Variants in CDKAL1 observed in about 807,000 individuals in gnomAD.
The protein encoded by CDKAL1 is threonylcarbamoyladenosine tRNA methylthiotransferase.
Under a neutral mutation model 68.2 loss-of-function variants are expected in CDKAL1, and 32 were observed. The ratio of observed to expected loss-of-function variants is 0.47; its 90% CI spans 0.35 to 0.63. The LOEUF (loss-of-function observed/expected upper bound fraction) is 0.63, where lower values mean the gene tolerates loss of function less well. Among genes scored for constraint, CDKAL1 ranks in the 30% least tolerant of loss-of-function variants. The probability of loss-of-function intolerance (pLI) is 0.00; values close to 1 mark genes in which losing one functional copy is unlikely to be tolerated. For missense variants in CDKAL1, 606 were observed against 696.7 expected, an observed-to-expected ratio of 0.87 and a Z score of 1.47; for synonymous variants, 234 against 244.3, an observed-to-expected ratio of 0.96 and a Z score of 0.39.
intron 4 of CDKAL1, among the ~76,000 whole-genome samples, chr6:20,575,216 C>T (rs367776924): frequency 6.6e-6 from 1 of 151,834 alleles, no homozygotes; most frequent in Admixed American, 6.6e-5. Flanking sequence ...TTGGCCATAT[C>T]TATCTTATTT....
chr6:20,855,146 A>G (rs182797384), intron 9 of CDKAL1, among the ~76,000 whole-genome samples: 28 of 152,312 alleles, frequency 1.8e-4, no homozygotes, highest in African/African-American at 6.5e-4. Context: ...ATTTCTTGTT[A>G]GAACTTGCAG....
chr6:21,205,781 T>C (rs1178233983), intron 15 of CDKAL1, among the ~76,000 whole-genome samples: 6 of 150,294 alleles, frequency 4.0e-5, no homozygotes, highest in Admixed American at 2.0e-4. Context: ...TCTGCCCGCC[T>C]TGGCCTCCCA....
chr6:20,989,731 T>C (rs562873902), intron 10 of CDKAL1, among the ~76,000 whole-genome samples: 1 of 152,212 alleles, frequency 6.6e-6, no homozygotes, highest in Non-Finnish European at 1.5e-5. Flanking sequence ...GTTCATATAA[T>C]GTTTGTTTGA....
chr6:20,606,236 A>G (rs562923221), intron 4 of CDKAL1, among the ~76,000 whole-genome samples: 6 of 152,200 alleles, frequency 3.9e-5, no homozygotes, highest in Non-Finnish European at 8.8e-5. Context: ...ATTGAATTGG[A>G]TAAGATTAAA....
At chr6:20,781,980 G>C (rs557195969) in intron 8 of CDKAL1, among the ~76,000 whole-genome samples, 2 of 152,130 alleles carry the variant, frequency 1.3e-5, no homozygotes. Context: ...AAGCTGTTCT[G>C]CCCCTTTTAC....
At chr6:21,092,146 A>G (rs1448419923) in intron 12 of CDKAL1, among the ~76,000 whole-genome samples, 2 of 146,238 alleles carry the variant, frequency 1.4e-5, no homozygotes, top group South Asian at 4.5e-4. Context: ...TCGGCCTCCC[A>G]AAGTCCTGGG....
At chr6:20,781,933 A>G (rs1775449770) in intron 8 of CDKAL1, among the ~76,000 whole-genome samples, 1 of 152,194 alleles carries the variant, frequency 6.6e-6, no homozygotes, top group South Asian at 2.1e-4. Context: ...GGAGCACCTA[A>G]TTACCCGTAC....
intron 4 of CDKAL1, among the ~76,000 whole-genome samples, chr6:20,590,546 C>G (rs894888729): frequency 6.6e-5 from 10 of 151,988 alleles, no homozygotes; most frequent in Admixed American, 5.2e-4. Flanking sequence ...TGTGATGTTC[C>G]CCTCCCTGTG....
intron 8 of CDKAL1, among the ~76,000 whole-genome samples, chr6:20,794,664 A>T (rs1376417469): frequency 1.3e-5 from 2 of 152,148 alleles, no homozygotes; most frequent in African/African-American, 4.8e-5. Context: ...TTAGAGATTT[A>T]AAATCTTTTC....
intron 5 of CDKAL1, among the ~76,000 whole-genome samples, chr6:20,668,528 T>C (rs887194781): frequency 3.3e-5 from 5 of 152,222 alleles, no homozygotes; most frequent in Admixed American, 2.6e-4. Context: ...ACCTTAGTTG[T>C]TGACTATGTA....
intron 9 of CDKAL1, among the ~76,000 whole-genome samples, chr6:20,914,554 C>A (rs530934676): frequency 1.3e-5 from 2 of 152,144 alleles, no homozygotes; most frequent in South Asian, 2.1e-4. Flanking sequence ...ATTGCTATAA[C>A]CCCAGAGCCT....
At position 21,181,437 on chromosome 6, in the gene CDKAL1, C is replaced by T. The variant is rs558459927; in HGVS notation, c.1300-16584C>T. On this transcript the variant is annotated intron_variant, in intron 13 of 15. Coordinates refer to ENST00000274695, the MANE Select transcript of CDKAL1 (RefSeq NM_017774.3). ...TTCTTATAAAAAGACAAGTTCAACC[C>T]ACTCTTGCTGTCCTCCCTCTATTGC... Among the ~76,000 whole-genome samples, 4 of 152,302 alleles carry T rather than the reference C, an allele frequency of 2.6e-5. No individual in the cohort carries two copies. The South Asian group carries it at 8.3e-4, about 32-fold the overall frequency.
chr6:20,916,588 G>A (rs1428204021), intron 9 of CDKAL1, among the ~76,000 whole-genome samples: 2 of 152,134 alleles, frequency 1.3e-5, no homozygotes, highest in East Asian at 1.9e-4. Context: ...TGGATGCAGA[G>A]GATAGTGCCC....
chr6:20,960,389 C>T (rs1053909211), intron 10 of CDKAL1, among the ~76,000 whole-genome samples: 5 of 152,208 alleles, frequency 3.3e-5, no homozygotes, highest in Non-Finnish European at 4.4e-5. Context: ...TATTCTAATT[C>T]GCAAATGCTT....
At chr6:20,892,678 C>CA (rs1199182358) in intron 9 of CDKAL1, among the ~76,000 whole-genome samples, 1 of 152,136 alleles carries the variant, frequency 6.6e-6, no homozygotes, top group Non-Finnish European at 1.5e-5. Flanking sequence ...CCAGATTTAA[C>CA]AAAGCAGTTC....
rs375686370 is a variant in CDKAL1, at chr6:20,860,963, G to T, written c.742+14785G>T. 1.1e-3 allele frequency among the ~76,000 whole-genome samples: 147 copies of T among 138,776 alleles called. 1 individual carries two copies. Among genetic ancestry groups the T allele is most frequent in the African/African-American group, 3.9e-3 (142 of 36,722 alleles). The allele number at this position is 138,776 out of a possible 152,430, so 91.0% of individuals were successfully genotyped here. A position where few individuals can be genotyped will look rare whatever the true frequency, so the allele number is the denominator to read the frequency against. On this transcript the variant is annotated intron_variant, in intron 9 of 15. Coordinates refer to ENST00000274695, the MANE Select transcript of CDKAL1 (RefSeq NM_017774.3). Reference sequence around the variant, plus strand: ...TTTTTTTTTTTTTTTTAGAGAAAGCGTAAGCGTAAATTATGTAAATGGTTC... The same window carrying T: ...TTTTTTTTTTTTTTTTAGAGAAAGCTTAAGCGTAAATTATGTAAATGGTTC...
At chr6:21,003,371 T>TATATATACACACACACACACAC in intron 11 of CDKAL1, among the ~76,000 whole-genome samples, 1 of 49,310 alleles carries the variant, frequency 2.0e-5, no homozygotes, top group Non-Finnish European at 3.4e-5. Context: ...TATATATATA[T>TATATATACACACACACACACAC]ACACACACAC....
At chr6:20,798,197 G>A (rs1274372849) in intron 8 of CDKAL1, among the ~76,000 whole-genome samples, 4 of 152,062 alleles carry the variant, frequency 2.6e-5, no homozygotes, top group African/African-American at 9.7e-5. Flanking sequence ...TTAGGGGTTA[G>A]AGATTGGGAG....
intron 5 of CDKAL1, among the ~76,000 whole-genome samples, chr6:20,725,294 A>G (rs2127851137): frequency 6.6e-6 from 1 of 152,338 alleles, no homozygotes; most frequent in East Asian, 1.9e-4. Context: ...GGAATATAGA[A>G]TATATGCCAT....
Sources: gnomAD v4.1 joint callset for allele counts (sites outside exome capture counted in the v4.1 genomes callset) on GRCh38, gnomAD v4.1.1 for gene constraint, MANE v1.5 for transcripts, NCBI Gene and HGNC (gene_info 2026-07-23, HGNC 2026-07-21) for gene names.